The following MAGI2 variants were observed in gnomAD, a reference collection of about 807,000 sequenced individuals.
The protein encoded by MAGI2 is membrane associated guanylate kinase, WW and PDZ domain containing 2.
Under a neutral mutation model 133.3 loss-of-function variants are expected in MAGI2, and 35 were observed. The ratio of observed to expected loss-of-function variants is 0.26; its 90% CI spans 0.20 to 0.35. The LOEUF (loss-of-function observed/expected upper bound fraction) is 0.35. Among genes scored for constraint, MAGI2 ranks in the 10% least tolerant of loss-of-function variants. The pLI is 1.00. For synonymous variants in MAGI2, 729 were observed against 710.6 expected (o/e 1.03, Z -0.41); for missense variants, 1,636 against 1,863.4 (o/e 0.88, Z 2.25).
At chr7:78,428,234 T>C (rs1450470331) in intron 6 of MAGI2, among the ~76,000 whole-genome samples, 1 of 152,198 alleles carries the variant, frequency 6.6e-6, no homozygotes, top group African/African-American at 2.4e-5. Context: ...TAAGAGATAG[T>C]AGAAGAAGGT....
At chr7:79,440,919 G>A (rs1012790468) in intron 1 of MAGI2, among the ~76,000 whole-genome samples, 1 of 152,156 alleles carries the variant, frequency 6.6e-6, no homozygotes, top group Non-Finnish European at 1.5e-5. Context: ...CATGACTACT[G>A]TGGCTTCAGG....
intron 3 of MAGI2, among the ~76,000 whole-genome samples, chr7:78,600,372 C>A (rs1235540044): frequency 6.6e-6 from 1 of 151,892 alleles, no homozygotes; most frequent in East Asian, 1.9e-4. Flanking sequence ...AAATCTAGAG[C>A]CTGCATACAG....
chr7:78,455,024 T>C (rs1789156838), intron 6 of MAGI2, among the ~76,000 whole-genome samples: 1 of 152,280 alleles, frequency 6.6e-6, no homozygotes, highest in Admixed American at 6.5e-5. Flanking sequence ...CCGACAGAAC[T>C]GTACAACACA....
chr7:78,521,936 ATAGT>A (rs1427502201), intron 3 of MAGI2, among the ~76,000 whole-genome samples: 1 of 152,210 alleles, frequency 6.6e-6, no homozygotes, highest in Non-Finnish European at 1.5e-5. Context: ...CAAGCGGTAC[ATAGT>A]TAATTTTAAA....
At chr7:78,640,515 C>T (rs181586089) in intron 2 of MAGI2, among the ~76,000 whole-genome samples, 10 of 152,246 alleles carry the variant, frequency 6.6e-5, no homozygotes, top group Admixed American at 3.9e-4. Context: ...CTGGATTCTT[C>T]AGAGAAAATG....
intron 2 of MAGI2, among the ~76,000 whole-genome samples, chr7:78,641,269 G>A (rs1810276311): frequency 6.6e-6 from 1 of 152,104 alleles, no homozygotes; most frequent in African/African-American, 2.4e-5. Context: ...CTGGAAAAAG[G>A]CTGAATAGCT....
intron 1 of MAGI2, among the ~76,000 whole-genome samples, chr7:79,276,475 TA>T (rs1321679138): frequency 1.3e-5 from 2 of 152,204 alleles, no homozygotes; most frequent in African/African-American, 4.8e-5. Context: ...AGATGATTGT[TA>T]GAATTTTTTA....
intron 1 of MAGI2, among the ~76,000 whole-genome samples, chr7:79,212,905 G>C (rs944839843): frequency 2.6e-5 from 4 of 151,928 alleles, no homozygotes; most frequent in Non-Finnish European, 1.5e-5. Context: ...CTCTCTTGAG[G>C]GGTTTTCTGT....
chr7:78,120,655 A>G (rs561815970), intron 20 of MAGI2, among the ~76,000 whole-genome samples: 19 of 152,298 alleles, frequency 1.2e-4, no homozygotes, highest in African/African-American at 4.3e-4. Flanking sequence ...AATTTATTAT[A>G]GAGCTGTCAT....
Position 79,453,543 on chromosome 7 carries a change from G to T in MAGI2, c.-223C>A. ...GCAGAGGTAGGAGAGCTTGGATGAGGTTGTGCTGTCCCTTGAATGACACTC... is the reference window on the plus strand; with the variant it reads ...GCAGAGGTAGGAGAGCTTGGATGAGTTTGTGCTGTCCCTTGAATGACACTC... On this transcript the variant is annotated 5_prime_UTR_variant, in exon 1 of 22. Coordinates refer to ENST00000354212, the MANE Select transcript of MAGI2 (RefSeq NM_012301.4). 7.5e-7 allele frequency: 1 copy of T among 1,335,104 alleles called. No homozygotes were observed. 82.7% of individuals were successfully genotyped at this position (1,335,104 alleles called of 1,614,324 possible).
intron 2 of MAGI2, among the ~76,000 whole-genome samples, chr7:78,684,786 T>G (rs566227234): frequency 6.6e-6 from 1 of 152,242 alleles, no homozygotes; most frequent in South Asian, 2.1e-4. Flanking sequence ...TATGATATCC[T>G]CGGCAAAACT....
intron 16 of MAGI2, among the ~76,000 whole-genome samples, chr7:78,158,743 G>C (rs1243641982): frequency 6.6e-6 from 1 of 152,104 alleles, no homozygotes; most frequent in Non-Finnish European, 1.5e-5. Context: ...CTTGCCTGGG[G>C]ACCAATCTGC....
intron 2 of MAGI2, among the ~76,000 whole-genome samples, chr7:78,781,399 A>AT (rs71085568): frequency 1.4e-5 from 2 of 147,654 alleles, no homozygotes; most frequent in African/African-American, 5.0e-5. Flanking sequence ...AAAAAAAAAA[A>AT]GAATATAGCA....
chr7:79,438,171 T>A (rs1848269048), intron 1 of MAGI2, among the ~76,000 whole-genome samples: 1 of 152,118 alleles, frequency 6.6e-6, no homozygotes, highest in East Asian at 1.9e-4. Flanking sequence ...TCTAGATATA[T>A]GTGACCAAAA....
intron 1 of MAGI2, among the ~76,000 whole-genome samples, chr7:79,065,795 G>A (rs2117107529): frequency 6.6e-6 from 1 of 152,186 alleles, no homozygotes; most frequent in African/African-American, 2.4e-5. Context: ...CCACTTATGA[G>A]TGAAAACATG....
chr7:79,445,595 G>A (rs929736789), intron 1 of MAGI2, among the ~76,000 whole-genome samples: 7 of 152,184 alleles, frequency 4.6e-5, no homozygotes, highest in Non-Finnish European at 8.8e-5. Context: ...TCAGAGAAGT[G>A]CAAATCAAAA....
chr7:78,192,517 G>T (rs550272926), intron 12 of MAGI2, among the ~76,000 whole-genome samples: 2 of 133,458 alleles, frequency 1.5e-5, no homozygotes, highest in South Asian at 2.5e-4. Flanking sequence ...GAGGGCAAAA[G>T]GCTGTCTTTT....
intron 1 of MAGI2, among the ~76,000 whole-genome samples, chr7:79,127,944 A>T (rs1160276840): frequency 2.6e-5 from 4 of 152,284 alleles, no homozygotes; most frequent in African/African-American, 9.6e-5. Context: ...TCTAACATGA[A>T]AGTCTTTAAT....
At chr7:79,092,058 T>C (rs1284820824) in intron 1 of MAGI2, among the ~76,000 whole-genome samples, 1 of 152,140 alleles carries the variant, frequency 6.6e-6, no homozygotes, top group Non-Finnish European at 1.5e-5. Flanking sequence ...AGCTCATTCA[T>C]GATTCACTAG....
Sources: gnomAD v4.1 joint callset for allele counts (sites outside exome capture counted in the v4.1 genomes callset) on GRCh38, gnomAD v4.1.1 for gene constraint, MANE v1.5 for transcripts, NCBI Gene and HGNC (gene_info 2026-07-23, HGNC 2026-07-21) for gene names.